Variants in ZNF782 observed in about 807,000 individuals in gnomAD.
ZNF782 encodes the protein zinc finger protein 782.
ZNF782 carries 12 observed loss-of-function variants against 13.0 expected under a neutral mutation model. The ratio of observed to expected loss-of-function variants is 0.92; its 90% CI spans 0.59 to 1.50. The LOEUF is 1.50. ZNF782 is among the 40% of genes most tolerant of loss of function. ZNF782 has a pLI of 0.00. For missense variants in ZNF782, 770 were observed against 822.9 expected (o/e 0.94, Z 0.79); for synonymous variants, 284 against 283.0 (o/e 1.00, Z -0.04).
intron 4 of ZNF782, among the ~76,000 whole-genome samples, chr9:96,841,232 A>G (rs1347489392): frequency 1.3e-5 from 2 of 151,982 alleles, no homozygotes; most frequent in African/African-American, 4.8e-5. Context: ...CATATATATG[A>G]CTTAAATAAA....
At chr9:96,842,470 T>G (rs1003148091) in intron 4 of ZNF782, among the ~76,000 whole-genome samples, 1 of 152,006 alleles carries the variant, frequency 6.6e-6, no homozygotes, top group Non-Finnish European at 1.5e-5. Flanking sequence ...AAAAAGCTAT[T>G]CAATGAAGGG....
At position 96,828,590 on chromosome 9, in the gene ZNF782, G is replaced by C. The variant is rs181953756; in HGVS notation, c.143-1409C>G. 2.6e-4 allele frequency among the ~76,000 whole-genome samples: 40 copies of C among 152,306 alleles called. 1 individual carries two copies. The East Asian group carries it at 7.7e-3, about 29-fold the overall frequency. On this transcript the variant is annotated intron_variant, in intron 4 of 5. Transcript: ENST00000481138. ...GACACCTGTAATCCCAGTTTTTTGGGAGGGTGGGGCAGGAGGACTGCCTGA... is the reference window on the plus strand; with the variant it reads ...GACACCTGTAATCCCAGTTTTTTGGCAGGGTGGGGCAGGAGGACTGCCTGA...
At chr9:96,827,978 TG>T (rs1850682265) in intron 4 of ZNF782, among the ~76,000 whole-genome samples, 1 of 152,070 alleles carries the variant, frequency 6.6e-6, no homozygotes, top group Admixed American at 6.5e-5. Flanking sequence ...GTGACAAAAT[TG>T]GATGTTTAAG....
chr9:96,822,502 C>G (rs759465837), intron 5 of ZNF782, among the ~76,000 whole-genome samples: 3 of 152,106 alleles, frequency 2.0e-5, no homozygotes, highest in Non-Finnish European at 4.4e-5. Context: ...AACTATACCA[C>G]AGAAGTAGGA....
Position 96,819,286 on chromosome 9 carries a change from T to C in ZNF782, c.737A>G (p.Asn246Ser), listed in dbSNP as rs34763627. The stretch of plus-strand genomic sequence containing the variant: ...ATCATATTTGTTTTCCCCAAATTTA[T>C]TGAAATTGTAAGATTTTCCTTTTGG... ...THPKGKSYNF[N>S]KFGENKYDKS... is the part of the protein sequence containing the mutation. The change falls in exon 6 of 6, where the codon AAT (asparagine) becomes AGT (serine). Residue 246 changes from asparagine to serine, a missense_variant. Transcript: ENST00000481138. 0.094 allele frequency: 152,045 copies of C among 1,612,764 alleles called. 8,184 individuals carry two copies. The highest frequency in any genetic ancestry group is 0.11 in the Non-Finnish European group (129,761 of 1,179,534).
chr9:96,818,506 T>A lies in ZNF782; in HGVS notation c.1517A>T (p.Tyr506Phe). Residue 506 changes from tyrosine to phenylalanine, a missense_variant, in exon 6 of 6, where the codon TAT (tyrosine) becomes TTT (phenylalanine). Tyr to Phe is a conservative substitution (Grantham distance 22). Transcript: ENST00000481138. ...HRRTHTGERP[Y>F]KCDECGKAFK... ...AGCTTTCCCACATTCATCACATTTA[T>A]ATGGTCTTTCCCCTGTGTGAGTTCT... 6.2e-7 allele frequency: 1 copy of A among 1,614,078 alleles called. No individual in the cohort carries two copies. The highest frequency in any genetic ancestry group is 1.1e-5 in the South Asian group (1 of 91,084).
chr9:96,819,047 G>A lies in ZNF782; in HGVS notation c.976C>T (p.Pro326Ser). ...GKSFNRNSTL[P>S]VHQRTHATDK... ...GTTGCATGAGTTCTCTGATGCACTG[G>A]GAGGGTTGAATTACGGTTGAAACTT... The change falls in exon 6 of 6, where the codon CCA (proline) becomes TCA (serine). Residue 326 changes from proline (P) to serine (S), a missense_variant. By Grantham distance (74) the Pro-to-Ser change is moderately conservative. Coordinates refer to ENST00000481138, the MANE Select transcript of ZNF782 (RefSeq NM_001001662.3). 1.2e-6 allele frequency: 2 copies of A among 1,614,148 alleles called. No individual in the cohort carries two copies. The highest frequency in any genetic ancestry group is 1.7e-6 in the Non-Finnish European group (2 of 1,180,012).
At chr9:96,915,308 G>C in the ZNF782 span, among the ~76,000 whole-genome samples, 2 of 151,998 alleles carry the variant, frequency 1.3e-5, no homozygotes, top group Non-Finnish European at 2.9e-5. Context: ...TGAAAATTAA[G>C]GTAAATAGCA....
rs567440942 is a variant in ZNF782 at position 96,835,324 on chromosome 9, C to A, written c.143-8143G>T. ...AGGATTTGGAAAATTTGCAGCCTGG[C>A]CGTGTGGAAGAGAATGAAGGAGAAT... On this transcript the variant is annotated intron_variant, in intron 4 of 5. Transcript: ENST00000481138. Among the ~76,000 whole-genome samples the A allele has an allele frequency of 4.6e-5, 7 of 152,250 alleles. No individual in the cohort carries two copies. The South Asian group carries it at 1.5e-3, about 32-fold the overall frequency.
chr9:96,836,772 A>G (rs1484023018), intron 4 of ZNF782, among the ~76,000 whole-genome samples: 1 of 152,102 alleles, frequency 6.6e-6, no homozygotes, highest in Non-Finnish European at 1.5e-5. Flanking sequence ...TAGATCCCTC[A>G]TGAACAGATT....
chr9:96,876,591 T>G (rs1003812279), upstream of ZNF782, among the ~76,000 whole-genome samples: 1 of 152,192 alleles, frequency 6.6e-6, no homozygotes, highest in Non-Finnish European at 1.5e-5. Flanking sequence ...AATGAAATAC[T>G]TGCACACGGA....
At chr9:96,852,592 A>G (rs989490562) in intron 2 of ZNF782, among the ~76,000 whole-genome samples, 4 of 152,194 alleles carry the variant, frequency 2.6e-5, no homozygotes, top group Non-Finnish European at 4.4e-5. Flanking sequence ...GGCTGCAGTG[A>G]GCCATGTTTG....
At chr9:96,932,283 C>T in the ZNF782 span, 1 of 1,613,538 alleles carries the variant, frequency 6.2e-7, no homozygotes, top group African/African-American at 1.3e-5. Context: ...CCCTCCCAGG[C>T]CAAGGCCCGG....
At chr9:96,925,104 T>C in the ZNF782 span, among the ~76,000 whole-genome samples, 1 of 152,200 alleles carries the variant, frequency 6.6e-6, no homozygotes, top group Non-Finnish European at 1.5e-5. Context: ...CCGCTCGCGC[T>C]GCGTCGTCTC....
chr9:96,824,093 C>A (rs1850517804), intron 5 of ZNF782, among the ~76,000 whole-genome samples: 1 of 151,756 alleles, frequency 6.6e-6, no homozygotes, highest in African/African-American at 2.4e-5. Context: ...CAGGCAGAGA[C>A]ACAACCAAAA....
At chr9:96,921,282 C>T in the ZNF782 span, among the ~76,000 whole-genome samples, 1 of 148,418 alleles carries the variant, frequency 6.7e-6, no homozygotes, top group Non-Finnish European at 1.5e-5. Context: ...TGTATGTAAT[C>T]CCAGCACTTT....
At position 96,819,187 on chromosome 9, in the gene ZNF782, C is replaced by T; in HGVS notation, c.836G>A (p.Cys279Tyr). 1 of 1,611,842 alleles carries T rather than the reference C, an allele frequency of 6.2e-7. No homozygotes were observed. The highest frequency in any genetic ancestry group is 1.7e-5 in the Admixed American group (1 of 59,708). ...SHYEFNDTGN[C>Y]FCRITHKTLT... ...AGTTTTGTGAGTGATTCTACAGAAA[C>T]AATTTCCAGTATCATTAAACTCATA... is the stretch of plus-strand genomic sequence containing the variant. Residue 279 changes from cysteine (C) to tyrosine (Y), a missense_variant, in exon 6 of 6, where the codon TGT (cysteine) becomes TAT (tyrosine). Coordinates refer to ENST00000481138, the MANE Select transcript of ZNF782 (RefSeq NM_001001662.3).
At chr9:96,894,224 A>G in the ZNF782 span, 6 of 152,140 alleles carry the variant, frequency 3.9e-5, no homozygotes, top group African/African-American at 1.4e-4. Context: ...GGATAGCATT[A>G]GGAGAAATAC....
At chr9:96,880,645 T>C in the ZNF782 span, among the ~76,000 whole-genome samples, 3 of 152,202 alleles carry the variant, frequency 2.0e-5, no homozygotes, top group Admixed American at 6.5e-5. Flanking sequence ...CCACACCTAG[T>C]TGTAGTGTAT....
Sources: allele counts gnomAD v4.1 joint callset (sites outside exome capture counted in the v4.1 genomes callset), GRCh38; gene constraint gnomAD v4.1.1; transcripts MANE v1.5; gene names NCBI Gene and HGNC (gene_info 2026-07-23, HGNC 2026-07-21).